The following MTAP variants were observed in gnomAD, a reference collection of about 807,000 sequenced individuals.
The protein encoded by MTAP is methylthioadenosine phosphorylase.
Under a neutral mutation model 33.6 loss-of-function variants are expected in MTAP, and 33 were observed. That is an observed-to-expected ratio of 0.98 (90% confidence interval 0.74 to 1.31). MTAP has a LOEUF of 1.31. Among genes scored for constraint, MTAP ranks in the 40% most tolerant of loss-of-function variants. The pLI, the probability that MTAP is intolerant of heterozygous loss-of-function variation, is 0.00. For missense variants in MTAP, 367 were observed against 360.0 expected, an observed-to-expected ratio of 1.02 and a Z score of -0.16; for synonymous variants, 148 against 125.7, an observed-to-expected ratio of 1.18 and a Z score of -1.19.
intron 7 of MTAP, 154 bp downstream of exon 7, chr9:21,859,579 T>C: frequency 5.4e-6 from 4 of 743,416 alleles, no homozygotes; most frequent in African/African-American, 1.8e-5. Flanking sequence ...TACCAACCAC[T>C]TGTGAAACTG....
chr9:21,837,313 G>A (rs1174133085), intron 4 of MTAP, among the ~76,000 whole-genome samples: 2 of 152,134 alleles, frequency 1.3e-5, no homozygotes, highest in African/African-American at 4.8e-5. Flanking sequence ...TTACAGGCAG[G>A]AATTACTCTT....
intron 1 of MTAP, among the ~76,000 whole-genome samples, chr9:21,912,080 G>T (rs1401116081): frequency 6.6e-6 from 1 of 152,118 alleles, no homozygotes; most frequent in Admixed American, 6.5e-5. Context: ...GACTAAACCA[G>T]GAAGAAGTTG....
At chr9:21,814,714 A>G (rs1431552903) in intron 1 of MTAP, among the ~76,000 whole-genome samples, 1 of 152,244 alleles carries the variant, frequency 6.6e-6, no homozygotes, top group East Asian at 1.9e-4. Context: ...AAAAAAACTT[A>G]TAACTACCTT....
At chr9:21,815,898 A>C (rs1383476937) in intron 2 of MTAP, among the ~76,000 whole-genome samples, 1 of 152,232 alleles carries the variant, frequency 6.6e-6, no homozygotes, top group South Asian at 2.1e-4. Flanking sequence ...CTGATGACTA[A>C]TAGGATGAAT....
At chr9:21,931,452 C>A (rs1478540879), downstream of MTAP, 1 of 357,628 alleles carries the variant, frequency 2.8e-6, no homozygotes, top group Admixed American at 4.5e-5. Flanking sequence ...TAGGTTGCAA[C>A]TGGCAGCAGG....
At chr9:21,906,772 T>C (rs1818484951) in intron 1 of MTAP, among the ~76,000 whole-genome samples, 1 of 152,248 alleles carries the variant, frequency 6.6e-6, no homozygotes, top group Non-Finnish European at 1.5e-5. Flanking sequence ...TTTATTGGTA[T>C]AACAGCAATT....
In MTAP at chr9:21,922,759, C is replaced by T. The variant is rs1284895516; in HGVS notation, c.148-8249C>T. On this transcript the variant is annotated intron_variant, in intron 1 of 1. Coordinates refer to the MTAP transcript ENST00000577563. This position sits in a 1 kb window ranked among gnomAD's most constrained non-coding sequence, Gnocchi z 4.8. Reference sequence around the variant, plus strand: ...ACTATTACTCTCAGCCACAGTGGCTCTGCACCCGCTGGCTGATCTCTCAGC... The same window carrying T: ...ACTATTACTCTCAGCCACAGTGGCTTTGCACCCGCTGGCTGATCTCTCAGC... Among the ~76,000 whole-genome samples the T allele has an allele frequency of 1.3e-5, 2 of 152,182 alleles. No individual in the cohort carries two copies. The highest frequency in any genetic ancestry group is 2.9e-5 in the Non-Finnish European group (2 of 68,040).
intron 4 of MTAP, among the ~76,000 whole-genome samples, chr9:21,825,037 C>G (rs922528656): frequency 1.3e-5 from 2 of 152,164 alleles, no homozygotes; most frequent in African/African-American, 4.8e-5. Flanking sequence ...TTCCTTGACC[C>G]CTTACGCTTC....
rs149875489 is a variant in MTAP, at chr9:21,805,990, A to G, written c.33+3209A>G. Among the ~76,000 whole-genome samples the G allele has an allele frequency of 7.1e-3, 1,088 of 152,326 alleles. 12 individuals are homozygous for G. Among genetic ancestry groups the G allele is most frequent in the African/African-American group, 0.024 (979 of 41,566 alleles). Reference sequence around the variant, plus strand: ...GCTCAGTGTGGTAGGAATGGAAATCACGGATGCACAGTGAGAATTGGGTGG... The same window carrying G: ...GCTCAGTGTGGTAGGAATGGAAATCGCGGATGCACAGTGAGAATTGGGTGG... On this transcript the variant is annotated intron_variant, in intron 1 of 7. Coordinates refer to ENST00000644715, the MANE Select transcript of MTAP (RefSeq NM_002451.4).
Position 21,864,350 on chromosome 9 carries a change from A to AT in MTAP, c.*2348dup, listed in dbSNP as rs397972510. The AT allele has an allele frequency of 0.19, 158,947 of 825,814 alleles. 4,356 individuals carry two copies. The highest frequency in any genetic ancestry group is 0.37 in the East Asian group (3,046 of 8,218). The allele number at this position is 825,814 out of a possible 1,614,324, so 51.2% of individuals were successfully genotyped here. On this transcript the variant is annotated 3_prime_UTR_variant, in exon 8 of 8. Coordinates refer to ENST00000644715, the MANE Select transcript of MTAP (RefSeq NM_002451.4). ...ACTTCTCACTTGTGATGCTGTACTA[A>AT]TTTTTTTTTTTTAATTTAAGCTAGT...
At chr9:21,844,169 A>G (rs150211546) in intron 5 of MTAP, among the ~76,000 whole-genome samples, 3 of 152,308 alleles carry the variant, frequency 2.0e-5, no homozygotes, top group Non-Finnish European at 2.9e-5. Flanking sequence ...ACCCTCCCCA[A>G]TTAAATCAGG....
intron 6 of MTAP, chr9:21,856,306 G>A (rs1186754447): frequency 1.1e-5 from 4 of 373,620 alleles, no homozygotes; most frequent in Non-Finnish European, 1.5e-5. Context: ...ACAGTGTTTT[G>A]GGTCATAGAT....
chr9:21,920,310 A>G (rs1422217450), intron 1 of MTAP, among the ~76,000 whole-genome samples: 1 of 152,208 alleles, frequency 6.6e-6, no homozygotes, highest in African/African-American at 2.4e-5. Context: ...AGACTGTAAG[A>G]TAAGCAGGAG....
intron 6 of MTAP, among the ~76,000 whole-genome samples, chr9:21,855,934 T>G: frequency 6.6e-6 from 1 of 152,330 alleles, no homozygotes; most frequent in Middle Eastern, 3.4e-3. Context: ...GATATTAATT[T>G]CTTAATATAA....
In MTAP at chr9:21,865,247, C is replaced by G. The variant is rs1825834607; in HGVS notation, c.*3233C>G. 2.3e-6 allele frequency: 1 copy of G among 442,786 alleles called. No individual in the cohort carries two copies. The highest frequency in any genetic ancestry group is 3.0e-6 in the Non-Finnish European group (1 of 334,054). 27.4% of individuals were successfully genotyped at this position (442,786 alleles called of 1,614,324 possible). Reference sequence around the variant, plus strand: ...CAAGTCCTGTTTGTTTTATAAGGGGCTTTTCCCCCTTTTGCTCAACACTTC... The same window carrying G: ...CAAGTCCTGTTTGTTTTATAAGGGGGTTTTCCCCCTTTTGCTCAACACTTC... On this transcript the variant is annotated 3_prime_UTR_variant, in exon 8 of 8. Coordinates refer to ENST00000644715, the MANE Select transcript of MTAP (RefSeq NM_002451.4).
chr9:21,836,954 C>G (rs1825124355), intron 4 of MTAP, among the ~76,000 whole-genome samples: 1 of 152,198 alleles, frequency 6.6e-6, no homozygotes, highest in Non-Finnish European at 1.5e-5. Flanking sequence ...ATCATGTTAT[C>G]TACCTGCCCC....
At chr9:21,845,753 A>T (rs1825364330) in intron 5 of MTAP, among the ~76,000 whole-genome samples, 1 of 146,168 alleles carries the variant, frequency 6.8e-6, no homozygotes, top group Admixed American at 6.8e-5. Context: ...ACAGAAATAT[A>T]AAAAAAAAAA....
At chr9:21,830,268 A>G (rs113436850) in intron 4 of MTAP, among the ~76,000 whole-genome samples, 2,377 of 152,290 alleles carry the variant, frequency 0.016, 57 homozygotes, top group African/African-American at 0.054. Flanking sequence ...CTTCCTTGCC[A>G]TAGGCCCTGG....
chr9:21,826,761 G>T (rs1205993551), intron 4 of MTAP, among the ~76,000 whole-genome samples: 1 of 151,938 alleles, frequency 6.6e-6, no homozygotes, highest in Non-Finnish European at 1.5e-5. Context: ...AAATCACAAG[G>T]GAAAGTGGTG....
Sources: allele counts gnomAD v4.1 joint callset (sites outside exome capture counted in the v4.1 genomes callset), GRCh38; gene constraint gnomAD v4.1.1; non-coding constraint Gnocchi (gnomAD v3.1); transcripts MANE v1.5; gene names NCBI Gene and HGNC (gene_info 2026-07-23, HGNC 2026-07-21).